Variants in SPATS2 observed in about 807,000 individuals in gnomAD.
The protein encoded by SPATS2 is spermatogenesis associated serine rich 2, also known as spermatogenesis-associated serine-rich protein 2.
A neutral mutation model predicts 63.7 loss-of-function variants in SPATS2; 38 were observed. The ratio of observed to expected loss-of-function variants is 0.60; its 90% CI spans 0.46 to 0.78. The LOEUF is 0.78. Ranked by LOEUF, SPATS2 falls within the 30% of genes least tolerant of loss-of-function variation. SPATS2 has a pLI of 0.00. For synonymous variants in SPATS2, 207 were observed against 232.9 expected, an observed-to-expected ratio of 0.89 and a Z score of 1.01; for missense variants, 588 against 666.2, an observed-to-expected ratio of 0.88 and a Z score of 1.29.
chr12:49,509,810 CAAA>C (rs60064985), intron 9 of SPATS2, among the ~76,000 whole-genome samples: 3 of 71,822 alleles, frequency 4.2e-5, no homozygotes, highest in African/African-American at 9.5e-5. Context: ...GAGCAAGTCT[CAAA>C]AAAAAAAAAA....
intron 2 of SPATS2, among the ~76,000 whole-genome samples, chr12:49,430,333 C>G (rs1945163905): frequency 6.6e-6 from 1 of 151,862 alleles, no homozygotes; most frequent in Admixed American, 6.6e-5. Context: ...AACCCCTGAC[C>G]TGAAATGATC....
chr12:49,490,558 C>CT, intron 5 of SPATS2, 124 bp from the exon 6 acceptor site: 1 of 904,574 alleles, frequency 1.1e-6, no homozygotes, highest in Non-Finnish European at 1.8e-6. Flanking sequence ...TGATCCTTAA[C>CT]TTTAACTTTT....
chr12:49,413,541 AG>A (rs1944835793), intron 2 of SPATS2, among the ~76,000 whole-genome samples: 1 of 151,868 alleles, frequency 6.6e-6, no homozygotes, highest in African/African-American at 2.4e-5. Context: ...TCATATTCCA[AG>A]GGTACTTCAG....
At chr12:49,412,620 C>T (rs926090726) in intron 2 of SPATS2, among the ~76,000 whole-genome samples, 2 of 151,772 alleles carry the variant, frequency 1.3e-5, no homozygotes, top group African/African-American at 4.8e-5. Flanking sequence ...GTGGCTCATT[C>T]CTGTAATCCC....
chr12:49,454,761 T>C (rs898322493), intron 2 of SPATS2, among the ~76,000 whole-genome samples: 46 of 151,870 alleles, frequency 3.0e-4, no homozygotes, highest in African/African-American at 1.1e-3. Context: ...TATGCGCCTG[T>C]AGCCGTGACT....
At chr12:49,489,081 A>G (rs1199049673) in intron 4 of SPATS2, among the ~76,000 whole-genome samples, 2 of 152,236 alleles carry the variant, frequency 1.3e-5, no homozygotes, top group Non-Finnish European at 2.9e-5. Context: ...AAAATCTTAC[A>G]TAAAAATCTA....
At chr12:49,453,481 T>C (rs1037126125) in intron 2 of SPATS2, among the ~76,000 whole-genome samples, 2 of 152,186 alleles carry the variant, frequency 1.3e-5, no homozygotes, top group Non-Finnish European at 2.9e-5. Flanking sequence ...CTGATGTCTC[T>C]GCTCAGTTTT....
intron 7 of SPATS2, 121 bp from the exon 8 acceptor site, chr12:49,496,712 T>G (rs1270734120): frequency 2.1e-6 from 2 of 948,004 alleles, no homozygotes; most frequent in Non-Finnish European, 3.2e-6. Context: ...TGATTTTGTT[T>G]ACAGTCTTTT....
At position 49,526,063 on chromosome 12, in the gene SPATS2, T is replaced by G; in HGVS notation, c.1446T>G (p.Tyr482Ter). The G allele has an allele frequency of 6.2e-7, 1 of 1,614,232 alleles. No homozygotes were observed. The highest frequency in any genetic ancestry group is 1.1e-5 in the South Asian group (1 of 91,080). ...SMGRYRNSSWYSSGSRYQSAP... is the reference protein window; with the variant it reads ...SMGRYRNSSW ...GTCGTTACAGAAACAGCTCGTGGTA[T>G]TCATCTGGTTCCAGGTATCAGAGTG... The change falls in exon 14 of 14, where the codon TAT becomes TAG. Residue 482 changes from tyrosine (Y) to a stop codon, truncating the protein, a stop_gained. Transcript: ENST00000552918. LOFTEE classifies it high-confidence loss of function.
chr12:49,417,836 G>A (rs1427357420), intron 2 of SPATS2, among the ~76,000 whole-genome samples: 4 of 152,210 alleles, frequency 2.6e-5, no homozygotes, highest in Admixed American at 2.0e-4. Flanking sequence ...ATCCAGATCT[G>A]TACATTGTTG....
intron 3 of SPATS2, chr12:49,462,328 C>T (rs557870947): frequency 3.1e-5 from 22 of 702,392 alleles, no homozygotes; most frequent in Middle Eastern, 2.3e-4. Context: ...GTGCTGGAAC[C>T]GGCTGGCTGC....
chr12:49,485,483 T>C (rs898012202), intron 4 of SPATS2, among the ~76,000 whole-genome samples: 3 of 151,936 alleles, frequency 2.0e-5, no homozygotes, highest in Admixed American at 1.3e-4. Flanking sequence ...TGCCTCAGCC[T>C]CCTGAGTAGC....
intron 4 of SPATS2, among the ~76,000 whole-genome samples, chr12:49,486,890 G>T (rs749142715): frequency 6.6e-6 from 1 of 152,016 alleles, no homozygotes; most frequent in Non-Finnish European, 1.5e-5. Context: ...GAAACTAGGA[G>T]ATTTTTTTTG....
intron 2 of SPATS2, among the ~76,000 whole-genome samples, chr12:49,456,090 G>T (rs564695775): frequency 1.9e-4 from 29 of 152,170 alleles, no homozygotes; most frequent in Admixed American, 1.4e-3. Context: ...GGGTTTTTCT[G>T]TGCTTTGCTT....
rs532756777 is a variant in SPATS2 at position 49,466,133 on chromosome 12, A to G, written c.25+5096A>G. On this transcript the variant is annotated intron_variant, in intron 3 of 13. Coordinates refer to ENST00000552918, the MANE Select transcript of SPATS2 (RefSeq NM_023071.4). Reference sequence around the variant, plus strand: ...TATAGTTTTATCTCATATATTTTAAAGTCTGTGATCCTGTTTGAGTTAGTT... The same window carrying G: ...TATAGTTTTATCTCATATATTTTAAGGTCTGTGATCCTGTTTGAGTTAGTT... 2.0e-5 allele frequency among the ~76,000 whole-genome samples: 3 copies of G among 151,842 alleles called. No individual in the cohort carries two copies. In the East Asian group the frequency reaches 5.8e-4, roughly 29 times the overall value.
At chr12:49,450,544 G>A (rs7974626) in intron 2 of SPATS2, among the ~76,000 whole-genome samples, 1 of 151,060 alleles carries the variant, frequency 6.6e-6, no homozygotes, top group African/African-American at 2.4e-5. Context: ...GCGCCTGGCC[G>A]AGTGGAGTCT....
chr12:49,462,296 A>G (rs1945834560), intron 3 of SPATS2: 1 of 702,224 alleles, frequency 1.4e-6, no homozygotes, highest in Admixed American at 2.0e-5. Context: ...CGAGTGAACA[A>G]GGAAGGAACT....
chr12:49,498,572 G>A (rs1946508012), intron 8 of SPATS2, among the ~76,000 whole-genome samples: 1 of 151,864 alleles, frequency 6.6e-6, no homozygotes. Flanking sequence ...TTTTCTCTGT[G>A]TGTTTCATTT....
chr12:49,437,318 G>A (rs1945329290), intron 2 of SPATS2, among the ~76,000 whole-genome samples: 3 of 151,590 alleles, frequency 2.0e-5, no homozygotes, highest in South Asian at 4.2e-4. Flanking sequence ...GATGGCGGCC[G>A]GGCAGAGACG....
Sources: gnomAD v4.1 joint callset for allele counts (sites outside exome capture counted in the v4.1 genomes callset) on GRCh38, gnomAD v4.1.1 for gene constraint, MANE v1.5 for transcripts, NCBI Gene and HGNC (gene_info 2026-07-23, HGNC 2026-07-21) for gene names.